Variants in ATP2B2 observed in about 807,000 individuals in gnomAD.
ATP2B2 encodes ATPase plasma membrane Ca2+ transporting 2, also known as plasma membrane calcium-transporting ATPase 2.
ATP2B2 carries 15 observed loss-of-function variants against 120.0 expected under a neutral mutation model. The ratio of observed to expected loss-of-function variants is 0.12; its 90% CI spans 0.08 to 0.19. The LOEUF is 0.19. ATP2B2 is among the 10% of genes least tolerant of loss of function. The pLI, the probability that ATP2B2 is intolerant of heterozygous loss-of-function variation, is 1.00. For missense variants in ATP2B2, 1,045 were observed against 1,719.8 expected, an observed-to-expected ratio of 0.61 and a Z score of 6.94; for synonymous variants, 694 against 700.3, an observed-to-expected ratio of 0.99 and a Z score of 0.14.
rs774319358 is a variant in ATP2B2 at position 10,402,328 on chromosome 3, C to A, written c.418G>T (p.Gly140Trp). The A allele has an allele frequency of 6.2e-7, 1 of 1,613,730 alleles. No individual in the cohort carries two copies. Among genetic ancestry groups the A allele is most frequent in the Non-Finnish European group, 8.5e-7 (1 of 1,180,062 alleles). ...TCTGCCTCTCCTTCATCCTCTGCCC[C>A]ACCCTGGGCCGTCGCACATCCTGAA... ...GNEGCATAQG[G>W]AEDEGEAEAG... Residue 140 changes from glycine (G) to tryptophan (W), a missense_variant, in exon 4 of 23, where the codon GGG becomes TGG. Physicochemically the swap from Gly to Trp is radical, Grantham distance 184 (BLOSUM62 -2). Transcript: ENST00000360273. The surrounding 1 kb of genome is among the most constrained non-coding windows in gnomAD (Gnocchi z 4.9).
intron 11 of ATP2B2, among the ~76,000 whole-genome samples, chr3:10,374,214 G>A (rs1559246183): frequency 6.6e-6 from 1 of 152,210 alleles, no homozygotes; most frequent in Non-Finnish European, 1.5e-5. Context: ...TGAAGTGGCT[G>A]TGGAGGCCCC....
chr3:10,562,618 C>T (rs969582375), intron 2 of ATP2B2, among the ~76,000 whole-genome samples: 5 of 152,204 alleles, frequency 3.3e-5, no homozygotes, highest in Non-Finnish European at 5.9e-5. Flanking sequence ...GACCTCCACC[C>T]TGCCCAAACA....
intron 1 of ATP2B2, among the ~76,000 whole-genome samples, chr3:10,492,989 C>T (rs1316279338): frequency 6.6e-6 from 1 of 152,180 alleles, no homozygotes; most frequent in Non-Finnish European, 1.5e-5. Context: ...CTTGCCTCCC[C>T]TGTACCACCT....
chr3:10,553,346 G>C (rs899517295), intron 2 of ATP2B2, among the ~76,000 whole-genome samples: 6 of 152,172 alleles, frequency 3.9e-5, no homozygotes, highest in African/African-American at 1.4e-4. Flanking sequence ...GCCTGACACA[G>C]AGAGGGACCT....
chr3:10,406,214 G>C (rs1344662183), intron 3 of ATP2B2, among the ~76,000 whole-genome samples: 1 of 152,218 alleles, frequency 6.6e-6, no homozygotes, highest in Non-Finnish European at 1.5e-5. Context: ...GTTCATCAGG[G>C]GGCATCCAGC....
chr3:10,485,208 A>C (rs7616991), intron 1 of ATP2B2, among the ~76,000 whole-genome samples: 12,892 of 152,240 alleles, frequency 0.085, 1,797 homozygotes, highest in African/African-American at 0.29. Flanking sequence ...AGCACTTACT[A>C]TGTGCTAGGC....
chr3:10,410,150 T>A (rs563242294), intron 3 of ATP2B2, among the ~76,000 whole-genome samples: 122 of 152,314 alleles, frequency 8.0e-4, no homozygotes, highest in African/African-American at 1.5e-3. Context: ...ATCTTTTTTT[T>A]ATATTTTTTA....
At position 10,340,972 on chromosome 3, in the gene ATP2B2, G is replaced by A. The variant is rs528069815; in HGVS notation, c.2918-268C>T. ...CTGTGGAAACCCGATAAAGGTGGAC[G>A]GCCGGCTGTGTTAAAGGTGGGCGAC... On this transcript the variant is annotated intron_variant, in intron 19 of 22. Transcript: ENST00000360273. The surrounding 1 kb of genome is among the most constrained non-coding windows in gnomAD (Gnocchi z 5.0). 6.6e-6 allele frequency among the ~76,000 whole-genome samples: 1 copy of A among 152,106 alleles called. No homozygotes were observed. Among genetic ancestry groups the A allele is most frequent in the East Asian group, 1.9e-4 (1 of 5,196 alleles).
In ATP2B2 at chr3:10,606,926, G is replaced by C. The variant is rs1247630702; in HGVS notation, c.-415+12991C>G. Among the ~76,000 whole-genome samples the C allele has an allele frequency of 2.0e-3, 148 of 73,870 alleles. 1 individual carries two copies. Among genetic ancestry groups the C allele is most frequent in the East Asian group, 0.019 (25 of 1,346 alleles). The allele number at this position is 73,870 out of a possible 152,430, so 48.5% of individuals were successfully genotyped here. Reference sequence around the variant, plus strand: ...ACACACACACACAGAGAGAGAGAGAGAGAGAGAGAGAGGGAGAGGGAGAGG... The same window carrying C: ...ACACACACACACAGAGAGAGAGAGACAGAGAGAGAGAGGGAGAGGGAGAGG... On this transcript the variant is annotated intron_variant, in intron 2 of 21. Transcript: ENST00000646379.
intron 2 of ATP2B2, among the ~76,000 whole-genome samples, chr3:10,617,553 C>T (rs375471771): frequency 5.3e-5 from 8 of 151,642 alleles, no homozygotes; most frequent in Non-Finnish European, 8.8e-5. Flanking sequence ...GGTGAAGAAA[C>T]GAAGGCACAA....
intron 8 of ATP2B2, among the ~76,000 whole-genome samples, chr3:10,383,650 T>G (rs2061593029): frequency 6.6e-6 from 1 of 152,226 alleles, no homozygotes; most frequent in South Asian, 2.1e-4. Context: ...CTTGGTCTCC[T>G]TGAGCCTCAG....
intron 5 of ATP2B2, among the ~76,000 whole-genome samples, chr3:10,396,405 G>A (rs1052358526): frequency 1.3e-5 from 2 of 152,248 alleles, no homozygotes; most frequent in Non-Finnish European, 2.9e-5. Flanking sequence ...TGACCAGAGC[G>A]GAGTGTTTCC....
chr3:10,486,328 T>TGCGC (rs1553616090), intron 1 of ATP2B2, among the ~76,000 whole-genome samples: 2 of 115,682 alleles, frequency 1.7e-5, no homozygotes, highest in Non-Finnish European at 4.1e-5. Flanking sequence ...TGCGTGCGTG[T>TGCGC]GTGTGTGTGT....
At position 10,489,017 on chromosome 3, in the gene ATP2B2, C is replaced by T. The variant is rs545490391; in HGVS notation, c.-320+16448G>A. The stretch of plus-strand genomic sequence containing the variant: ...TGAATTCATCTCCTACCCCTGCCTC[C>T]TCACTTTCCTCCACCCCACTTCTCC... On this transcript the variant is annotated intron_variant, in intron 1 of 22. Transcript: ENST00000360273. 2.6e-5 allele frequency among the ~76,000 whole-genome samples: 4 copies of T among 152,330 alleles called. No individual in the cohort carries two copies. In the East Asian group the frequency reaches 7.7e-4, roughly 29 times the overall value.
chr3:10,338,452 C>T (rs971483819), intron 21 of ATP2B2, 94 bp from the exon 22 acceptor site: 74 of 1,371,422 alleles, frequency 5.4e-5, no homozygotes, highest in Admixed American at 1.7e-4. Context: ...TCCTCCTACC[C>T]GCTCACCCAG....
chr3:10,571,512 C>T (rs912973340), intron 2 of ATP2B2, among the ~76,000 whole-genome samples: 3 of 152,200 alleles, frequency 2.0e-5, no homozygotes, highest in African/African-American at 7.2e-5. Context: ...AAAGAGTCCA[C>T]GTGAGCAAGG....
intron 1 of ATP2B2, among the ~76,000 whole-genome samples, chr3:10,484,487 G>A (rs2065552970): frequency 6.6e-6 from 1 of 152,076 alleles, no homozygotes; most frequent in Admixed American, 6.6e-5. Flanking sequence ...GGTCTCTGTG[G>A]CATTTTGAGC....
At chr3:10,678,586 TG>T (rs1466838406) in intron 1 of ATP2B2, among the ~76,000 whole-genome samples, 20 of 152,328 alleles carry the variant, frequency 1.3e-4, no homozygotes, top group African/African-American at 4.1e-4. Context: ...TGTCTGTTTA[TG>T]AAGCCTGGGG....
chr3:10,405,105 G>A (rs1395591067), intron 3 of ATP2B2, among the ~76,000 whole-genome samples: 2 of 152,206 alleles, frequency 1.3e-5, no homozygotes, highest in Non-Finnish European at 2.9e-5. Flanking sequence ...GCCTCTCTGA[G>A]CCTCAGATTA....
Sources: allele counts gnomAD v4.1 joint callset (sites outside exome capture counted in the v4.1 genomes callset), GRCh38; gene constraint gnomAD v4.1.1; non-coding constraint Gnocchi (gnomAD v3.1); transcripts MANE v1.5; gene names NCBI Gene and HGNC (gene_info 2026-07-23, HGNC 2026-07-21).